TRIM9: variants seen among roughly 807,000 people sequenced by gnomAD.
The protein encoded by TRIM9 is E3 ubiquitin-protein ligase TRIM9.
In TRIM9, 26 loss-of-function variants were observed where a neutral mutation model predicts 78.3. The ratio of observed to expected loss-of-function variants is 0.33; its 90% CI spans 0.24 to 0.46. The LOEUF is 0.46. TRIM9 is among the 20% of genes least tolerant of loss of function. TRIM9 has a pLI of 1.00. For missense variants in TRIM9, 787 were observed against 1,036.4 expected, an observed-to-expected ratio of 0.76 and a Z score of 3.30; for synonymous variants, 398 against 416.5, an observed-to-expected ratio of 0.96 and a Z score of 0.54.
At position 51,001,898 on chromosome 14, in the gene TRIM9, G is replaced by A. The variant is rs2055100748; in HGVS notation, c.1307-1058C>T. Reference sequence around the variant, plus strand: ...GACTAGGGGCCTGGAGCATGACAAGGAGGCTCAAGATGTCTTTGCAGCCAC... The same window carrying A: ...GACTAGGGGCCTGGAGCATGACAAGAAGGCTCAAGATGTCTTTGCAGCCAC... On this transcript the variant is annotated intron_variant, in intron 5 of 12. Coordinates refer to ENST00000684578, the MANE Select transcript of TRIM9 (RefSeq NM_001387360.1). Among the ~76,000 whole-genome samples the A allele has an allele frequency of 1.3e-5, 2 of 152,166 alleles. 1 individual carries two copies. The highest frequency in any genetic ancestry group is 4.1e-4 in the South Asian group (2 of 4,832).
Position 51,094,698 on chromosome 14 carries a change from T to C in TRIM9, c.242A>G (p.Tyr81Cys), listed in dbSNP as rs759161962. The change falls in exon 1 of 13, where the codon TAC (tyrosine) becomes TGC (cysteine). Residue 81 changes from tyrosine (Y) to cysteine (C), a missense_variant. Physicochemically the swap from Tyr to Cys is radical, Grantham distance 194. This residue lies in a region of TRIM9 where 352 missense variants were observed against 472.3 expected (regional missense o/e 0.75). Transcript: ENST00000684578. The part of the protein sequence containing the change: ...YSEADSGYGS[Y>C]GGFASAPTTP... ...AGTGGGGGCGCTGGCGAACCCCCCG[T>C]AGGAGCCATAGCCGCTGTCCGCCTC... 10 of 1,567,724 alleles carry C rather than the reference T, an allele frequency of 6.4e-6. No homozygotes were observed. The Admixed American group carries it at 1.8e-4, about 28-fold the overall frequency.
intron 1 of TRIM9, among the ~76,000 whole-genome samples, chr14:51,077,385 T>C (rs2062878223): frequency 9.6e-6 from 1 of 104,556 alleles, no homozygotes; most frequent in African/African-American, 3.8e-5. Context: ...TCTCCAATTC[T>C]GTTTTTTTTT....
chr14:50,990,585 T>C (rs547157507), intron 7 of TRIM9, among the ~76,000 whole-genome samples: 9 of 152,318 alleles, frequency 5.9e-5, no homozygotes, highest in South Asian at 4.1e-4. Context: ...CTTTGGGGTG[T>C]TATTTTTGGA....
At chr14:51,036,365 G>A (rs1476230328) in intron 1 of TRIM9, among the ~76,000 whole-genome samples, 2 of 152,034 alleles carry the variant, frequency 1.3e-5, no homozygotes, top group East Asian at 1.9e-4. Context: ...TGTCTGACTC[G>A]CCTTATTTTG....
rs915740379 is a variant in TRIM9 at position 51,059,829 on chromosome 14, A to G, written c.822+34289T>C. ...AAAAAAACAAAAAAAACACAAAAAA[A>G]CAAAAAAACTAAAACAAAACAAAAC... On this transcript the variant is annotated intron_variant, in intron 1 of 12. Transcript: ENST00000684578. Among the ~76,000 whole-genome samples the G allele has an allele frequency of 3.3e-5, 5 of 152,036 alleles. 1 individual carries two copies. The highest frequency in any genetic ancestry group is 5.9e-5 in the Non-Finnish European group (4 of 67,968).
intron 7 of TRIM9, among the ~76,000 whole-genome samples, chr14:50,989,230 T>C (rs1426046669): frequency 6.6e-6 from 1 of 152,164 alleles, no homozygotes; most frequent in African/African-American, 2.4e-5. Context: ...TCAAAGACAA[T>C]ATGACAACAT....
At chr14:50,994,127 G>A (rs1035559795) in intron 7 of TRIM9, among the ~76,000 whole-genome samples, 5 of 152,178 alleles carry the variant, frequency 3.3e-5, no homozygotes, top group Non-Finnish European at 7.3e-5. Flanking sequence ...GCAGGTAGGG[G>A]CTACATGGTG....
chr14:51,064,416 A>G (rs752401185), intron 1 of TRIM9, among the ~76,000 whole-genome samples: 24 of 152,082 alleles, frequency 1.6e-4, no homozygotes, highest in Non-Finnish European at 2.1e-4. Context: ...AACTACTCCA[A>G]TTAAAAGGTA....
intron 4 of TRIM9, among the ~76,000 whole-genome samples, chr14:51,010,068 C>T (rs2056379501): frequency 6.6e-6 from 1 of 150,822 alleles, no homozygotes; most frequent in Admixed American, 6.6e-5. Flanking sequence ...GCAATAACTC[C>T]ACTTTGAAAG....
At position 51,008,173 on chromosome 14, in the gene TRIM9, G is replaced by T. The variant is rs529834212; in HGVS notation, c.1306+907C>A. On this transcript the variant is annotated intron_variant, in intron 5 of 12. Transcript: ENST00000684578. Reference sequence around the variant, plus strand: ...GGAGGGGAGGGCTATGACTTTAAAGGGGTGGCAGGAGGGAGATCTTCATTC... The same window carrying T: ...GGAGGGGAGGGCTATGACTTTAAAGTGGTGGCAGGAGGGAGATCTTCATTC... Among the ~76,000 whole-genome samples the T allele has an allele frequency of 3.9e-5, 6 of 152,256 alleles. No homozygotes were observed. The East Asian group carries it at 1.2e-3, about 29-fold the overall frequency.
intron 1 of TRIM9, among the ~76,000 whole-genome samples, chr14:51,040,512 G>T (rs1033740123): frequency 6.6e-6 from 1 of 152,184 alleles, no homozygotes; most frequent in Admixed American, 6.5e-5. Context: ...TCCTCAGAGG[G>T]ATCAGGAGTG....
At chr14:51,002,444 T>C (rs753931553) in intron 5 of TRIM9, among the ~76,000 whole-genome samples, 3 of 152,182 alleles carry the variant, frequency 2.0e-5, no homozygotes, top group Non-Finnish European at 4.4e-5. Flanking sequence ...GGGAACCATG[T>C]TTTTGCCAGC....
intron 1 of TRIM9, among the ~76,000 whole-genome samples, chr14:51,043,202 T>C (rs1347063302): frequency 6.6e-6 from 1 of 152,168 alleles, no homozygotes; most frequent in Non-Finnish European, 1.5e-5. Flanking sequence ...TCAGATATGC[T>C]AATGGATAAT....
chr14:50,986,080 T>C lies in TRIM9; in HGVS notation c.1668A>G (p.Arg556=). The change falls in exon 8 of 13, where the codon AGA becomes AGG. Residue 556 remains arginine (R), a synonymous_variant. Transcript: ENST00000684578. ...TAAGGGTGGAGGAGAAAGGACTCAT[T>C]CTACGGAGCGGCAATCTTTCCGAAG... ...PVPSERLPLR[R]MSPFSSTLNL... 6.5e-7 allele frequency: 1 copy of C among 1,548,766 alleles called. No individual in the cohort carries two copies. The highest frequency in any genetic ancestry group is 8.7e-7 in the Non-Finnish European group (1 of 1,146,010).
At chr14:51,049,321 C>T (rs771747682) in intron 1 of TRIM9, among the ~76,000 whole-genome samples, 1 of 152,126 alleles carries the variant, frequency 6.6e-6, no homozygotes, top group African/African-American at 2.4e-5. Flanking sequence ...TATACCAGGT[C>T]TCACTGTGAC....
In TRIM9 at chr14:50,984,084, T is replaced by C. The variant is rs17123330; in HGVS notation, c.1793-663A>G. Among the ~76,000 whole-genome samples the C allele has an allele frequency of 2.9e-3, 449 of 152,250 alleles. 5 individuals carry two copies. The South Asian group carries it at 0.034, about 12-fold the overall frequency. ...GAACTTTTTCAACCATCTCCCTTCCTTAAGATTTGGATACCTGTACCCCAT... is the reference window on the plus strand; with the variant it reads ...GAACTTTTTCAACCATCTCCCTTCCCTAAGATTTGGATACCTGTACCCCAT... On this transcript the variant is annotated intron_variant, in intron 8 of 12. Coordinates refer to ENST00000684578, the MANE Select transcript of TRIM9 (RefSeq NM_001387360.1).
intron 12 of TRIM9, among the ~76,000 whole-genome samples, chr14:50,978,570 A>C (rs1175777260): frequency 2.6e-5 from 4 of 152,196 alleles, no homozygotes; most frequent in Non-Finnish European, 2.9e-5. Context: ...GGTAACTGCG[A>C]TAAGCCCTAC....
chr14:51,002,267 C>A (rs12891562), intron 5 of TRIM9, among the ~76,000 whole-genome samples: 60,378 of 151,092 alleles, frequency 0.4, 12,505 homozygotes, highest in South Asian at 0.67. Context: ...GACTACAGGC[C>A]CCTGCCACCA....
chr14:50,989,034 G>A (rs548328878), intron 7 of TRIM9, among the ~76,000 whole-genome samples: 5 of 152,240 alleles, frequency 3.3e-5, no homozygotes, highest in South Asian at 4.1e-4. Context: ...CAATTGTAGC[G>A]TTACTATCTG....
Sources: allele counts gnomAD v4.1 joint callset (sites outside exome capture counted in the v4.1 genomes callset), GRCh38; gene constraint gnomAD v4.1.1; regional missense constraint gnomAD v4.1.1; transcripts MANE v1.5; gene names NCBI Gene and HGNC (gene_info 2026-07-23, HGNC 2026-07-21).